ADAM18: variants seen among roughly 807,000 people sequenced by gnomAD.
The protein encoded by ADAM18 is ADAM metallopeptidase domain 18, also known as disintegrin and metalloproteinase domain-containing protein 18.
ADAM18 carries 117 observed loss-of-function variants against 94.4 expected under a neutral mutation model. The ratio of observed to expected loss-of-function variants is 1.24; its 90% CI spans 1.07 to 1.45. The LOEUF is 1.45. Among genes scored for constraint, ADAM18 ranks in the 40% most tolerant of loss-of-function variants. The probability of loss-of-function intolerance (pLI) is 0.00; values close to 1 mark genes in which losing one functional copy is unlikely to be tolerated. For synonymous variants in ADAM18, 327 were observed against 291.6 expected (o/e 1.12, Z -1.24); for missense variants, 936 against 880.0 (o/e 1.06, Z -0.81).
chr8:39,696,730 G>C (rs1821937244), intron 17 of ADAM18, among the ~76,000 whole-genome samples: 1 of 151,524 alleles, frequency 6.6e-6, no homozygotes, highest in Admixed American at 6.6e-5. Flanking sequence ...CTATATGTCT[G>C]TCTTCATGCC....
chr8:39,701,688 G>A (rs1822083913), intron 17 of ADAM18, among the ~76,000 whole-genome samples: 1 of 152,008 alleles, frequency 6.6e-6, no homozygotes, highest in African/African-American at 2.4e-5. Context: ...CCCTCTATGT[G>A]TCCATGTGTT....
intron 6 of ADAM18, among the ~76,000 whole-genome samples, chr8:39,623,258 T>A (rs1563279514): frequency 6.6e-6 from 1 of 152,228 alleles, no homozygotes; most frequent in Non-Finnish European, 1.5e-5. Flanking sequence ...TGATGTTCAC[T>A]TAGGTTGGTT....
At position 39,611,076 on chromosome 8, in the gene ADAM18, G is replaced by T. The variant is rs112060665; in HGVS notation, c.522+370G>T. On this transcript the variant is annotated intron_variant, in intron 6 of 19. Transcript: ENST00000265707. ...TGAACATATCTTTCTAAAATGCACA[G>T]CCATTTGCATGTTGCCAGATGCTCT... is the stretch of plus-strand genomic sequence containing the variant. 3.7e-4 allele frequency: 377 copies of T among 1,008,070 alleles called. 2 individuals are homozygous for T. The African/African-American group carries it at 6.0e-3, about 16-fold the overall frequency. The allele number at this position is 1,008,070 out of a possible 1,614,324, so 62.4% of individuals were successfully genotyped here. A position where few individuals can be genotyped will look rare whatever the true frequency, so the allele number is the denominator to read the frequency against.
chr8:39,718,984 G>C (rs939533337), intron 18 of ADAM18, among the ~76,000 whole-genome samples: 4 of 151,214 alleles, frequency 2.6e-5, no homozygotes, highest in African/African-American at 9.7e-5. Context: ...TGCAGAAGGT[G>C]ATAAGCTGAT....
intron 18 of ADAM18, among the ~76,000 whole-genome samples, chr8:39,709,727 G>A (rs748976371): frequency 5.9e-5 from 9 of 152,142 alleles, no homozygotes; most frequent in Non-Finnish European, 8.8e-5. Context: ...GGTGATGTGA[G>A]TCTTAATGAA....
intron 18 of ADAM18, among the ~76,000 whole-genome samples, chr8:39,722,990 G>A (rs1040656920): frequency 1.6e-4 from 5 of 30,638 alleles, no homozygotes; most frequent in East Asian, 7.9e-4. Flanking sequence ...TCATTGTAAC[G>A]TTTGGAGAGG....
chr8:39,595,874 G>A (rs1443945269), intron 2 of ADAM18, among the ~76,000 whole-genome samples: 3 of 152,000 alleles, frequency 2.0e-5, no homozygotes, highest in Non-Finnish European at 4.4e-5. Context: ...CTGCCTTCTT[G>A]TTTCCATTTC....
intron 16 of ADAM18, among the ~76,000 whole-genome samples, chr8:39,681,426 G>GA (rs1291816417): frequency 6.6e-6 from 1 of 152,164 alleles, no homozygotes; most frequent in Non-Finnish European, 1.5e-5. Flanking sequence ...AGAAGACTGT[G>GA]AAGCAGAGAA....
intron 12 of ADAM18, among the ~76,000 whole-genome samples, chr8:39,651,910 A>G (rs892259007): frequency 2.0e-5 from 3 of 150,332 alleles, no homozygotes; most frequent in African/African-American, 7.3e-5. Context: ...CACATAGATC[A>G]ATGAAACAAA....
At chr8:39,640,839 G>C (rs1253842142) in intron 10 of ADAM18, among the ~76,000 whole-genome samples, 1 of 149,436 alleles carries the variant, frequency 6.7e-6, no homozygotes, top group Non-Finnish European at 1.5e-5. Context: ...AGAAGTGTCT[G>C]TTCTTGTCCT....
intron 17 of ADAM18, among the ~76,000 whole-genome samples, chr8:39,698,080 G>A (rs1183850293): frequency 1.3e-5 from 2 of 151,498 alleles, no homozygotes; most frequent in East Asian, 3.9e-4. Flanking sequence ...TTATGGTTTT[G>A]TACTGTGTTC....
intron 2 of ADAM18, among the ~76,000 whole-genome samples, chr8:39,599,777 A>G (rs1459481919): frequency 6.6e-6 from 1 of 152,060 alleles, no homozygotes; most frequent in Non-Finnish European, 1.5e-5. Flanking sequence ...TCCATCCTTC[A>G]TATTATTAAA....
At chr8:39,648,239 T>G (rs1024168527) in intron 11 of ADAM18, 105 bp from the exon 12 acceptor site, 24 of 745,012 alleles carry the variant, frequency 3.2e-5, no homozygotes, top group Non-Finnish European at 4.6e-5. Context: ...AAGTATAAAT[T>G]TTGGGGTGGC....
At chr8:39,702,528 T>C (rs1351202554) in intron 17 of ADAM18, among the ~76,000 whole-genome samples, 1 of 152,220 alleles carries the variant, frequency 6.6e-6, no homozygotes, top group Admixed American at 6.5e-5. Flanking sequence ...TTTCAATTGC[T>C]TTTGGCATCT....
intron 14 of ADAM18, among the ~76,000 whole-genome samples, chr8:39,671,069 T>C (rs887756922): frequency 6.6e-6 from 1 of 152,228 alleles, no homozygotes; most frequent in Non-Finnish European, 1.5e-5. Flanking sequence ...TATTCTGATC[T>C]TTAATAAATA....
At chr8:39,608,953 T>G in intron 3 of ADAM18, 89 bp from the exon 4 acceptor site, 1 of 754,482 alleles carries the variant, frequency 1.3e-6, no homozygotes, top group Non-Finnish European at 2.2e-6. Flanking sequence ...GCTAATTAAA[T>G]CGTGTTATAT....
intron 13 of ADAM18, among the ~76,000 whole-genome samples, chr8:39,666,016 C>T (rs1820985799): frequency 1.3e-5 from 2 of 152,180 alleles, no homozygotes; most frequent in East Asian, 1.9e-4. Flanking sequence ...TTTATGTCCT[C>T]TGAAAATAAA....
At chr8:39,593,160 T>A (rs1309740680) in intron 2 of ADAM18, among the ~76,000 whole-genome samples, 1 of 152,228 alleles carries the variant, frequency 6.6e-6, no homozygotes, top group Non-Finnish European at 1.5e-5. Flanking sequence ...TTAGGACTTT[T>A]TTCCAGATTA....
intron 6 of ADAM18, among the ~76,000 whole-genome samples, chr8:39,621,103 G>T (rs1819601814): frequency 6.6e-6 from 1 of 151,736 alleles, no homozygotes; most frequent in African/African-American, 2.4e-5. Context: ...TACAATTAAA[G>T]AATAGCCAAA....
Sources: gnomAD v4.1 joint callset for allele counts (sites outside exome capture counted in the v4.1 genomes callset) on GRCh38, gnomAD v4.1.1 for gene constraint, MANE v1.5 for transcripts, NCBI Gene and HGNC (gene_info 2026-07-23, HGNC 2026-07-21) for gene names.